The following NBEA variants were observed in gnomAD, a reference collection of about 807,000 sequenced individuals.
NBEA encodes lysosomal-trafficking regulator 2.
In NBEA, 44 loss-of-function variants were observed where a neutral mutation model predicts 343.4. The ratio of observed to expected loss-of-function variants is 0.13; its 90% CI spans 0.10 to 0.16. NBEA has a LOEUF of 0.16. NBEA is among the 10% of genes least tolerant of loss of function. NBEA has a pLI of 1.00. For missense variants in NBEA, 2,555 were observed against 3,631.3 expected (o/e 0.70, Z 7.62); for synonymous variants, 1,175 against 1,238.7 (o/e 0.95, Z 1.08).
At chr13:35,030,630 T>C (rs973317577) in intron 1 of NBEA, among the ~76,000 whole-genome samples, 9 of 151,746 alleles carry the variant, frequency 5.9e-5, no homozygotes, top group African/African-American at 2.2e-4. Flanking sequence ...CTTTAGTTGC[T>C]AATAAGCAAC....
chr13:35,078,987 A>C (rs1267993931), intron 10 of NBEA, among the ~76,000 whole-genome samples: 5 of 152,150 alleles, frequency 3.3e-5, no homozygotes, highest in African/African-American at 1.2e-4. Context: ...GCACCACTGC[A>C]CTCCAGCCTG....
chr13:35,233,334 G>A (rs1477970650), intron 34 of NBEA, among the ~76,000 whole-genome samples: 2 of 152,020 alleles, frequency 1.3e-5, no homozygotes, highest in Non-Finnish European at 2.9e-5. Flanking sequence ...TTCACTTCCT[G>A]TTTACTGTAG....
At chr13:35,669,720 T>G (rs2085517740) in intron 58 of NBEA, among the ~76,000 whole-genome samples, 1 of 152,204 alleles carries the variant, frequency 6.6e-6, no homozygotes, top group South Asian at 2.1e-4. Context: ...GTGTATTCAT[T>G]TTGCTGCCAT....
intron 52 of NBEA, among the ~76,000 whole-genome samples, chr13:35,651,524 G>T (rs2084522091): frequency 6.6e-6 from 1 of 151,984 alleles, no homozygotes. Flanking sequence ...TTTTTGATGG[G>T]TTCAATAAAT....
chr13:35,018,855 T>G (rs1033697091), intron 1 of NBEA, among the ~76,000 whole-genome samples: 3 of 152,206 alleles, frequency 2.0e-5, no homozygotes, highest in Non-Finnish European at 4.4e-5. Context: ...TCATTCACCA[T>G]TAAGTATGAT....
chr13:35,203,722 T>C (rs1436123311), intron 31 of NBEA, among the ~76,000 whole-genome samples: 4 of 152,194 alleles, frequency 2.6e-5, no homozygotes, highest in Non-Finnish European at 5.9e-5. Context: ...CATGTATTAC[T>C]TATTAGTCAA....
At chr13:35,061,878 A>G (rs1248224009) in intron 8 of NBEA, among the ~76,000 whole-genome samples, 1 of 151,692 alleles carries the variant, frequency 6.6e-6, no homozygotes, top group Non-Finnish European at 1.5e-5. Flanking sequence ...GAGGGTAGTC[A>G]AAATATGGAA....
chr13:35,087,208 C>G (rs921080070), intron 10 of NBEA, among the ~76,000 whole-genome samples: 1 of 151,186 alleles, frequency 6.6e-6, no homozygotes, highest in Non-Finnish European at 1.5e-5. Context: ...GAGGTCTTAA[C>G]CATGAAATAT....
chr13:35,602,766 TC>T (rs1278911069), intron 47 of NBEA, among the ~76,000 whole-genome samples: 1 of 152,156 alleles, frequency 6.6e-6, no homozygotes, highest in African/African-American at 2.4e-5. Flanking sequence ...ACGACTTCTT[TC>T]TATGACTAGC....
chr13:35,025,017 G>T (rs1372245552), intron 1 of NBEA, among the ~76,000 whole-genome samples: 1 of 152,030 alleles, frequency 6.6e-6, no homozygotes, highest in Non-Finnish European at 1.5e-5. Context: ...TCTTAATGGG[G>T]TTATTTGTTT....
intron 13 of NBEA, among the ~76,000 whole-genome samples, chr13:35,112,977 A>G (rs1421047275): frequency 6.6e-6 from 1 of 152,084 alleles, no homozygotes; most frequent in Non-Finnish European, 1.5e-5. Context: ...AAATTTCACT[A>G]ATTACACTAA....
chr13:35,046,481 T>A (rs2062860345), intron 4 of NBEA, among the ~76,000 whole-genome samples: 1 of 152,200 alleles, frequency 6.6e-6, no homozygotes, highest in African/African-American at 2.4e-5. Context: ...TGTACAGTAG[T>A]CCCGCCTTAT....
chr13:35,517,654 T>C (rs888212514), intron 41 of NBEA, among the ~76,000 whole-genome samples: 26 of 152,176 alleles, frequency 1.7e-4, no homozygotes, highest in African/African-American at 5.5e-4. Context: ...TTATCAGATA[T>C]CATCTTTAGT....
intron 1 of NBEA, among the ~76,000 whole-genome samples, chr13:34,953,220 G>A (rs897932936): frequency 6.6e-6 from 1 of 152,098 alleles, no homozygotes; most frequent in African/African-American, 2.4e-5. Context: ...AAAGACAAGT[G>A]TTTTCAACTC....
Position 35,303,136 on chromosome 13 carries a change from TA to T in NBEA, c.5839-6385del, listed in dbSNP as rs200848180. On this transcript the variant is annotated intron_variant, in intron 35 of 58. Transcript: ENST00000379939. ...GAGAACAAAAAAATCTTCTTTACATTAAAAAAATCCTTTCTCATTTTCATAA... is the reference window on the plus strand; with the variant it reads ...GAGAACAAAAAAATCTTCTTTACATTAAAAAATCCTTTCTCATTTTCATAA... 2.8e-3 allele frequency among the ~76,000 whole-genome samples: 426 copies of T among 152,244 alleles called. 2 individuals carry two copies. The highest frequency in any genetic ancestry group is 9.0e-3 in the African/African-American group (374 of 41,568).
chr13:35,632,706 A>C (rs1388797506), intron 49 of NBEA, among the ~76,000 whole-genome samples: 1 of 151,850 alleles, frequency 6.6e-6, no homozygotes, highest in African/African-American at 2.4e-5. Context: ...CAATTCTCCC[A>C]CCTCAGCCTC....
intron 1 of NBEA, among the ~76,000 whole-genome samples, chr13:35,011,684 T>A (rs2061498195): frequency 6.6e-6 from 1 of 152,208 alleles, no homozygotes; most frequent in Non-Finnish European, 1.5e-5. Context: ...AACTACATAA[T>A]GATCTCGTAC....
chr13:35,317,517 A>G (rs1208541130), intron 36 of NBEA, among the ~76,000 whole-genome samples: 4 of 152,084 alleles, frequency 2.6e-5, no homozygotes, highest in Admixed American at 6.6e-5. Context: ...GCCTTGTAGT[A>G]TAGTTTGAAG....
chr13:35,249,946 G>A (rs2031754151), intron 34 of NBEA, among the ~76,000 whole-genome samples: 1 of 152,062 alleles, frequency 6.6e-6, no homozygotes, highest in South Asian at 2.1e-4. Context: ...CAACCTTAAG[G>A]AAATTATACT....
Sources: allele counts gnomAD v4.1 joint callset (sites outside exome capture counted in the v4.1 genomes callset), GRCh38; gene constraint gnomAD v4.1.1; transcripts MANE v1.5; gene names NCBI Gene and HGNC (gene_info 2026-07-23, HGNC 2026-07-21).